HUNK: variants seen among roughly 807,000 people sequenced by gnomAD.
HUNK encodes hormonally up-regulated neu tumor-associated kinase.
Under a neutral mutation model 61.0 loss-of-function variants are expected in HUNK, and 21 were observed. The ratio of observed to expected loss-of-function variants is 0.34; its 90% CI spans 0.24 to 0.50. The LOEUF (loss-of-function observed/expected upper bound fraction) is 0.50. Among genes scored for constraint, HUNK ranks in the 20% least tolerant of loss-of-function variants. HUNK has a pLI of 0.98. For missense variants in HUNK, 772 were observed against 945.7 expected (o/e 0.82, Z 2.41); for synonymous variants, 371 against 386.1 (o/e 0.96, Z 0.46).
chr21:31,899,708 C>A (rs766620127), intron 1 of HUNK, among the ~76,000 whole-genome samples: 2 of 152,124 alleles, frequency 1.3e-5, no homozygotes, highest in African/African-American at 4.8e-5. Flanking sequence ...TGCTCAGCAC[C>A]ATCTTGGTTC....
At chr21:31,994,373 C>G (rs1426868380) in intron 9 of HUNK, among the ~76,000 whole-genome samples, 1 of 152,194 alleles carries the variant, frequency 6.6e-6, no homozygotes, top group Non-Finnish European at 1.5e-5. Flanking sequence ...ACATCATGAA[C>G]TCTTATCTGC....
intron 5 of HUNK, among the ~76,000 whole-genome samples, chr21:31,959,281 C>T (rs2052911625): frequency 6.6e-6 from 1 of 152,090 alleles, no homozygotes; most frequent in Admixed American, 6.5e-5. Context: ...TGATTGCAGG[C>T]TTGATTGTTT....
chr21:31,909,657 A>C (rs1601372157), intron 1 of HUNK, among the ~76,000 whole-genome samples: 2 of 152,178 alleles, frequency 1.3e-5, no homozygotes, highest in East Asian at 3.9e-4. Flanking sequence ...AATAGCAGCA[A>C]TTAATGGGCC....
chr21:31,964,379 C>T (rs1010475016), intron 5 of HUNK, among the ~76,000 whole-genome samples: 40 of 152,340 alleles, frequency 2.6e-4, no homozygotes, highest in African/African-American at 8.7e-4. Context: ...GACAGACCTG[C>T]AGCCCTTTCA....
In HUNK at chr21:31,924,484, T is replaced by C; in HGVS notation, c.278T>C (p.Ile93Thr). ...LTGEKVAIKVIDKKRAKKDTY... is the reference protein window; with the variant it reads ...LTGEKVAIKVTDKKRAKKDTY... ...TCTCCTTAGGTGGCCATAAAAGTCATTGATAAGAAGAGAGCCAAAAAGGAC... is the reference window on the plus strand; with the variant it reads ...TCTCCTTAGGTGGCCATAAAAGTCACTGATAAGAAGAGAGCCAAAAAGGAC... Residue 93 changes from isoleucine (I) to threonine (T), a missense_variant, in exon 2 of 11, where the codon ATT becomes ACT. Ile to Thr is a moderately conservative substitution (Grantham distance 89). This residue lies in a region of HUNK where 359 missense variants were observed against 501.3 expected (regional missense o/e 0.72). Coordinates refer to ENST00000270112, the MANE Select transcript of HUNK (RefSeq NM_014586.2). This position sits in a 1 kb window ranked among gnomAD's most constrained non-coding sequence, Gnocchi z 5.1. 6.2e-7 allele frequency: 1 copy of C among 1,613,024 alleles called. No individual in the cohort carries two copies. The highest frequency in any genetic ancestry group is 8.5e-7 in the Non-Finnish European group (1 of 1,179,774).
chr21:31,963,608 C>T (rs74533626), intron 5 of HUNK, among the ~76,000 whole-genome samples: 10,259 of 152,162 alleles, frequency 0.067, 488 homozygotes, highest in South Asian at 0.13. Context: ...GCAGTCTTCC[C>T]GCCTCAGCCT....
intron 4 of HUNK, among the ~76,000 whole-genome samples, chr21:31,955,510 G>T (rs538650836): frequency 1.8e-4 from 28 of 152,050 alleles, no homozygotes; most frequent in Non-Finnish European, 3.7e-4. Context: ...AGAATGGCGT[G>T]AACCCGGGAG....
intron 1 of HUNK, among the ~76,000 whole-genome samples, chr21:31,880,654 C>T (rs542358152): frequency 5.4e-4 from 82 of 152,270 alleles, no homozygotes; most frequent in Middle Eastern, 3.4e-3. Flanking sequence ...CATTTTAACT[C>T]GATGACATCT....
At chr21:31,899,013 C>G (rs1166519140) in intron 1 of HUNK, among the ~76,000 whole-genome samples, 1 of 151,900 alleles carries the variant, frequency 6.6e-6, no homozygotes, top group Non-Finnish European at 1.5e-5. Context: ...ATAAGCTGCT[C>G]TTAAGTTCCC....
At chr21:31,947,398 A>T (rs531355623) in intron 4 of HUNK, among the ~76,000 whole-genome samples, 1 of 151,752 alleles carries the variant, frequency 6.6e-6, no homozygotes, top group Non-Finnish European at 1.5e-5. Context: ...CCCACATCCC[A>T]TTCTCAAGCC....
intron 4 of HUNK, among the ~76,000 whole-genome samples, chr21:31,955,373 G>A (rs1171180192): frequency 1.3e-5 from 2 of 149,646 alleles, no homozygotes; most frequent in East Asian, 2.0e-4. Context: ...GGTGGATCAC[G>A]AGGTCAGGAG....
chr21:31,955,920 T>C (rs2123839003), intron 4 of HUNK, among the ~76,000 whole-genome samples: 1 of 152,326 alleles, frequency 6.6e-6, no homozygotes, highest in Non-Finnish European at 1.5e-5. Context: ...GGACAGAATC[T>C]TGGTTTTGTT....
At chr21:31,921,409 G>T (rs1008123326) in intron 1 of HUNK, among the ~76,000 whole-genome samples, 1 of 151,334 alleles carries the variant, frequency 6.6e-6, no homozygotes, top group Non-Finnish European at 1.5e-5. Context: ...CTCTGGTAGG[G>T]AGGTTAGCCT....
chr21:31,941,307 CTCT>C (rs1222577854), intron 3 of HUNK, among the ~76,000 whole-genome samples: 2 of 146,712 alleles, frequency 1.4e-5, no homozygotes, highest in South Asian at 2.2e-4. Flanking sequence ...TTTTCTCTCT[CTCT>C]TTTTTTTTTT....
chr21:31,931,587 G>A (rs952059583), intron 2 of HUNK, among the ~76,000 whole-genome samples: 1 of 152,054 alleles, frequency 6.6e-6, no homozygotes, highest in Non-Finnish European at 1.5e-5. Context: ...CCATTAGAGA[G>A]AGCCAGACCC....
chr21:31,912,548 C>CT (rs1462876554), intron 1 of HUNK, among the ~76,000 whole-genome samples: 3 of 152,136 alleles, frequency 2.0e-5, no homozygotes, highest in African/African-American at 4.8e-5. Flanking sequence ...GGACATTTCT[C>CT]TTTTTTTGTT....
intron 2 of HUNK, among the ~76,000 whole-genome samples, chr21:31,934,956 G>A (rs1038712245): frequency 1.3e-5 from 2 of 152,054 alleles, no homozygotes; most frequent in African/African-American, 4.8e-5. Flanking sequence ...TGTGAATAGC[G>A]CTGTAGTGTC....
chr21:31,995,999 C>A, intron 10 of HUNK, 51 bp downstream of exon 10: 1 of 1,396,974 alleles, frequency 7.2e-7, no homozygotes, highest in Non-Finnish European at 1.0e-6. Context: ...GGCTGTGTGT[C>A]CGCTGTGTAG....
At chr21:31,943,746 C>T (rs2052784119) in intron 3 of HUNK, among the ~76,000 whole-genome samples, 1 of 151,146 alleles carries the variant, frequency 6.6e-6, no homozygotes, top group South Asian at 2.2e-4. Flanking sequence ...CTCTCTCTGC[C>T]CTCTTCTGAG....
Sources: gnomAD v4.1 joint callset for allele counts (sites outside exome capture counted in the v4.1 genomes callset) on GRCh38, gnomAD v4.1.1 for gene constraint, gnomAD v4.1.1 regional missense constraint, Gnocchi (gnomAD v3.1) non-coding constraint, MANE v1.5 for transcripts, NCBI Gene and HGNC (gene_info 2026-07-23, HGNC 2026-07-21) for gene names.